NETO1: variants seen among roughly 807,000 people sequenced by gnomAD.
The protein encoded by NETO1 is neuropilin and tolloid-like protein 1.
Under a neutral mutation model 61.3 loss-of-function variants are expected in NETO1, and 26 were observed. The observed-to-expected ratio is 0.42, with a 90% CI of 0.31 to 0.59. The LOEUF (loss-of-function observed/expected upper bound fraction) is 0.59, where lower values mean the gene tolerates loss of function less well. Ranked by LOEUF, NETO1 falls within the 20% of genes least tolerant of loss-of-function variation. The pLI is 0.12. For synonymous variants in NETO1, 225 were observed against 225.8 expected, an observed-to-expected ratio of 1.00 and a Z score of 0.03; for missense variants, 531 against 662.8, an observed-to-expected ratio of 0.80 and a Z score of 2.18.
At chr18:72,750,870 A>G (rs2070582437) in intron 8 of NETO1, among the ~76,000 whole-genome samples, 1 of 86,934 alleles carries the variant, frequency 1.2e-5, no homozygotes, top group Non-Finnish European at 2.4e-5. Flanking sequence ...CTCAGCTTAA[A>G]ATACACACAC....
At chr18:72,834,219 G>A (rs1478097609) in intron 4 of NETO1, 7 of 627,078 alleles carry the variant, frequency 1.1e-5, no homozygotes, top group Non-Finnish European at 1.4e-5. Context: ...TGTAAAATAC[G>A]TATTAATTGC....
chr18:72,755,080 T>G (rs1435471345), intron 8 of NETO1, among the ~76,000 whole-genome samples: 1 of 152,218 alleles, frequency 6.6e-6, no homozygotes, highest in East Asian at 1.9e-4. Context: ...TCCATTCACA[T>G]TTGTTGCATG....
At chr18:72,835,163 A>G in intron 4 of NETO1, 1 of 1,287,266 alleles carries the variant, frequency 7.8e-7, no homozygotes, top group South Asian at 2.7e-5. Flanking sequence ...CAGCATTTTC[A>G]AGGGCACAAA....
chr18:72,865,336 C>A, intron 1 of NETO1, 95 bp from the exon 2 acceptor site: 1 of 1,237,196 alleles, frequency 8.1e-7, no homozygotes. Context: ...AATATCAAAG[C>A]AGATTAATTT....
At chr18:72,749,365 TA>T (rs1457230844) in intron 9 of NETO1, among the ~76,000 whole-genome samples, 1 of 152,170 alleles carries the variant, frequency 6.6e-6, no homozygotes, top group Non-Finnish European at 1.5e-5. Flanking sequence ...TAATTTTTCC[TA>T]AATTTAAATG....
intron 4 of NETO1, among the ~76,000 whole-genome samples, chr18:72,799,038 C>T (rs1228981613): frequency 6.6e-6 from 1 of 152,240 alleles, no homozygotes; most frequent in African/African-American, 2.4e-5. Context: ...AAAACCATCA[C>T]TTCATCAAAT....
At chr18:72,812,658 T>C (rs868150412) in intron 4 of NETO1, among the ~76,000 whole-genome samples, 54 of 152,342 alleles carry the variant, frequency 3.5e-4, no homozygotes, top group Middle Eastern at 3.4e-3. Flanking sequence ...TTGTTCCACC[T>C]AGTCCTCCTA....
At chr18:72,755,955 T>A in intron 8 of NETO1, 79 bp downstream of exon 8, 1 of 703,512 alleles carries the variant, frequency 1.4e-6, no homozygotes, top group Admixed American at 2.2e-5. Flanking sequence ...TTTTAAAGAC[T>A]GTCTGATTGA....
intron 7 of NETO1, among the ~76,000 whole-genome samples, chr18:72,766,286 T>C (rs1413625164): frequency 6.6e-6 from 1 of 150,640 alleles, no homozygotes; most frequent in Non-Finnish European, 1.5e-5. Flanking sequence ...TTAATTGTGG[T>C]ACTCTACACA....
At chr18:72,775,990 T>C (rs1474843097) in intron 7 of NETO1, among the ~76,000 whole-genome samples, 2 of 152,238 alleles carry the variant, frequency 1.3e-5, no homozygotes, top group East Asian at 1.9e-4. Context: ...AAATATGCTC[T>C]GTCTTGTTTC....
At chr18:72,827,063 G>T (rs1211025492) in intron 4 of NETO1, among the ~76,000 whole-genome samples, 1 of 147,364 alleles carries the variant, frequency 6.8e-6, no homozygotes, top group Non-Finnish European at 1.5e-5. Flanking sequence ...GATCCCCAGA[G>T]AACCGCCCAG....
At chr18:72,844,893 C>A (rs945327260) in intron 4 of NETO1, among the ~76,000 whole-genome samples, 6 of 152,154 alleles carry the variant, frequency 3.9e-5, no homozygotes, top group Non-Finnish European at 8.8e-5. Flanking sequence ...ACACCTCATC[C>A]ATCCTGAGGA....
rs909521786 is a variant in NETO1, at chr18:72,747,888, T to C, written c.*291A>G. The C allele has an allele frequency of 6.6e-6, 1 of 152,042 alleles. No individual in the cohort carries two copies. Among genetic ancestry groups the C allele is most frequent in the African/African-American group, 2.4e-5 (1 of 41,326 alleles). The allele number at this position is 152,042 out of a possible 1,614,324, so 9.4% of individuals were successfully genotyped here. On this transcript the variant is annotated 3_prime_UTR_variant, in exon 11 of 11. Transcript: ENST00000327305. ...AGTGAAACTGACAATAAAAATAAAGTTGGGATAGTCTTAATCGGGAACTAA... is the reference window on the plus strand; with the variant it reads ...AGTGAAACTGACAATAAAAATAAAGCTGGGATAGTCTTAATCGGGAACTAA...
chr18:72,774,205 T>C (rs1011176846), intron 7 of NETO1, among the ~76,000 whole-genome samples: 1 of 152,210 alleles, frequency 6.6e-6, no homozygotes, highest in Non-Finnish European at 1.5e-5. Flanking sequence ...AGCAGCTAAA[T>C]GCAGAACTTC....
chr18:72,867,204 G>C (rs1005087647), intron 1 of NETO1, 60 bp downstream of exon 1: 142 of 1,347,688 alleles, frequency 1.1e-4, no homozygotes, highest in Non-Finnish European at 1.4e-4. Flanking sequence ...GTTCGGCCCC[G>C]GGAAAGGGGC....
intron 4 of NETO1, among the ~76,000 whole-genome samples, chr18:72,817,856 C>T (rs976867769): frequency 1.3e-5 from 2 of 152,182 alleles, no homozygotes; most frequent in African/African-American, 4.8e-5. Flanking sequence ...CTCTAAAAGA[C>T]ATCAGTTCAT....
At chr18:72,850,352 G>T (rs1277425253) in intron 4 of NETO1, among the ~76,000 whole-genome samples, 1 of 152,146 alleles carries the variant, frequency 6.6e-6, no homozygotes, top group African/African-American at 2.4e-5. Flanking sequence ...ATATTAACAT[G>T]AGTTATACTC....
chr18:72,864,339 C>G (rs1034828340), intron 3 of NETO1, among the ~76,000 whole-genome samples: 1 of 152,168 alleles, frequency 6.6e-6, no homozygotes, highest in African/African-American at 2.4e-5. Context: ...AATAAGGTAA[C>G]TATCTTTCAG....
At chr18:72,821,407 G>GAA (rs11453085) in intron 4 of NETO1, among the ~76,000 whole-genome samples, 34 of 146,920 alleles carry the variant, frequency 2.3e-4, no homozygotes, top group African/African-American at 4.5e-4. Context: ...AAAGAAACAA[G>GAA]AAAAAAAAAA....
Sources: allele counts gnomAD v4.1 joint callset (sites outside exome capture counted in the v4.1 genomes callset), GRCh38; gene constraint gnomAD v4.1.1; transcripts MANE v1.5; gene names NCBI Gene and HGNC (gene_info 2026-07-23, HGNC 2026-07-21).